The following SHISA9 variants were observed in gnomAD, a reference collection of about 807,000 sequenced individuals.
SHISA9 encodes shisa family member 9.
In SHISA9, 13 loss-of-function variants were observed where a neutral mutation model predicts 38.0. The ratio of observed to expected loss-of-function variants is 0.34; its 90% CI spans 0.22 to 0.54. SHISA9 has a LOEUF of 0.54. Among genes scored for constraint, SHISA9 ranks in the 20% least tolerant of loss-of-function variants. The pLI is 0.91. For missense variants in SHISA9, 538 were observed against 575.8 expected (o/e 0.93, Z 0.67); for synonymous variants, 275 against 242.0 (o/e 1.14, Z -1.27).
the SHISA9 span, among the ~76,000 whole-genome samples, chr16:13,475,430 G>A: frequency 6.6e-6 from 1 of 151,804 alleles, no homozygotes; most frequent in Non-Finnish European, 1.5e-5. Flanking sequence ...GGTATCCCAT[G>A]ACTTTCATTT....
the SHISA9 span, among the ~76,000 whole-genome samples, chr16:13,259,115 G>T: frequency 2.0e-5 from 3 of 152,188 alleles, no homozygotes. Context: ...GGGGGTACAG[G>T]TATTTGGTAA....
chr16:13,247,048 C>T, the SHISA9 span, among the ~76,000 whole-genome samples: 40 of 151,650 alleles, frequency 2.6e-4, no homozygotes, highest in African/African-American at 9.4e-4. Flanking sequence ...ACTCACAGTT[C>T]CACGTGGCTG....
intron 2 of SHISA9, among the ~76,000 whole-genome samples, chr16:13,038,656 C>T (rs8049852): frequency 0.6 from 91,506 of 151,992 alleles, 28,533 homozygotes; most frequent in Middle Eastern, 0.74. Context: ...AAGCCTTCTC[C>T]GACCCTTAAC....
At chr16:12,958,880 C>T (rs1254126795) in intron 2 of SHISA9, among the ~76,000 whole-genome samples, 3 of 152,144 alleles carry the variant, frequency 2.0e-5, no homozygotes, top group Admixed American at 2.0e-4. Flanking sequence ...CAGCACGTTA[C>T]ATCAACAAAC....
intron 3 of SHISA9, among the ~76,000 whole-genome samples, chr16:13,209,337 G>A (rs538684593): frequency 6.6e-6 from 1 of 152,180 alleles, no homozygotes; most frequent in South Asian, 2.1e-4. Context: ...CAGTCTGATG[G>A]GAAAGACATA....
the SHISA9 span, among the ~76,000 whole-genome samples, chr16:13,446,473 AG>A: frequency 1.3e-5 from 2 of 152,170 alleles, no homozygotes; most frequent in Admixed American, 6.5e-5. Flanking sequence ...GAGTTCAGTG[AG>A]GCCAATAAAG....
the SHISA9 span, among the ~76,000 whole-genome samples, chr16:13,542,491 A>C: frequency 6.6e-6 from 1 of 152,178 alleles, no homozygotes; most frequent in African/African-American, 2.4e-5. Flanking sequence ...AATATCACAC[A>C]GCCCCCTAGA....
In SHISA9 at chr16:12,934,924, G is replaced by A. The variant is rs185442580; in HGVS notation, c.691+18109G>A. Among the ~76,000 whole-genome samples, 59 of 152,282 alleles carry A rather than the reference G, an allele frequency of 3.9e-4. No individual in the cohort carries two copies. The East Asian group carries it at 7.5e-3, about 19-fold the overall frequency. On this transcript the variant is annotated intron_variant, in intron 2 of 4. Transcript: ENST00000558583. ...GGTTGGCTCATAGAACTGAAGGAAC[G>A]TCTGATGGTCCAAGTTTGGGATGTC...
chr16:13,203,271 G>A, intron 2 of SHISA9, 123 bp from the exon 3 acceptor site: 1 of 921,902 alleles, frequency 1.1e-6, no homozygotes, highest in Non-Finnish European at 1.5e-6. Flanking sequence ...ACCCTCTGCT[G>A]TTTTGCGACT....
chr16:13,369,518 T>C, the SHISA9 span, among the ~76,000 whole-genome samples: 2 of 152,000 alleles, frequency 1.3e-5, no homozygotes, highest in Non-Finnish European at 1.5e-5. Flanking sequence ...CTGCAGAAAG[T>C]TTACTTTCTT....
rs547043904 is a variant in SHISA9, at chr16:13,138,500, G to T, written c.692-64894G>T. On this transcript the variant is annotated intron_variant, in intron 2 of 4. Coordinates refer to ENST00000558583, the MANE Select transcript of SHISA9 (RefSeq NM_001145204.3). ...GATTCATCTCCTATGACACTGCCTGGCATATAGGAGATTCTCAGAAAATAT... is the reference window on the plus strand; with the variant it reads ...GATTCATCTCCTATGACACTGCCTGTCATATAGGAGATTCTCAGAAAATAT... 1.4e-3 allele frequency among the ~76,000 whole-genome samples: 218 copies of T among 152,246 alleles called. 3 individuals carry two copies. Among genetic ancestry groups the T allele is most frequent in the African/African-American group, 4.7e-3 (197 of 41,538 alleles).
intron 2 of SHISA9, among the ~76,000 whole-genome samples, chr16:13,012,079 G>A (rs2072684331): frequency 6.6e-6 from 1 of 152,110 alleles, no homozygotes; most frequent in African/African-American, 2.4e-5. Context: ...ACCCACCTCG[G>A]CCTCCTAAAG....
chr16:13,286,799 G>T, the SHISA9 span, among the ~76,000 whole-genome samples: 3 of 152,098 alleles, frequency 2.0e-5, no homozygotes, highest in African/African-American at 7.2e-5. Flanking sequence ...GACCTGATAC[G>T]TAAAGCCATA....
intron 2 of SHISA9, among the ~76,000 whole-genome samples, chr16:13,186,416 G>A (rs2050823849): frequency 6.8e-6 from 1 of 147,116 alleles, no homozygotes; most frequent in Non-Finnish European, 1.5e-5. Context: ...TCCTGCCTCA[G>A]CCTCCTGAGT....
intron 2 of SHISA9, among the ~76,000 whole-genome samples, chr16:12,920,734 G>T (rs2071317318): frequency 6.6e-6 from 1 of 152,112 alleles, no homozygotes; most frequent in South Asian, 2.1e-4. Flanking sequence ...ACATCACCAA[G>T]GTACCTTTGT....
the SHISA9 span, among the ~76,000 whole-genome samples, chr16:13,541,265 C>G: frequency 3.2e-4 from 49 of 152,124 alleles, no homozygotes; most frequent in African/African-American, 1.1e-3. Flanking sequence ...GCTCCAGAAT[C>G]CAAGCAAAAA....
intron 2 of SHISA9, among the ~76,000 whole-genome samples, chr16:13,186,813 T>C (rs1465083406): frequency 6.6e-6 from 1 of 152,192 alleles, no homozygotes; most frequent in Non-Finnish European, 1.5e-5. Context: ...AATTAAATCA[T>C]ACAGTATTTA....
chr16:13,552,489 C>T, the SHISA9 span, among the ~76,000 whole-genome samples: 3,453 of 151,666 alleles, frequency 0.023, 41 homozygotes, highest in Non-Finnish European at 0.034. Flanking sequence ...TCTATGGTAT[C>T]GGGCTTTGTG....
At chr16:13,345,987 A>G in the SHISA9 span, among the ~76,000 whole-genome samples, 1 of 152,158 alleles carries the variant, frequency 6.6e-6, no homozygotes. Flanking sequence ...AAATTTCTGT[A>G]AGTTTAAGGG....
Sources: allele counts gnomAD v4.1 joint callset (sites outside exome capture counted in the v4.1 genomes callset), GRCh38; gene constraint gnomAD v4.1.1; transcripts MANE v1.5; gene names NCBI Gene and HGNC (gene_info 2026-07-23, HGNC 2026-07-21).